TBC1D9: variants seen among roughly 807,000 people sequenced by gnomAD.
TBC1D9 encodes the protein TBC1 domain family member 9.
In TBC1D9, 63 loss-of-function variants were observed where a neutral mutation model predicts 132.0. The ratio of observed to expected loss-of-function variants is 0.48; its 90% confidence interval spans 0.39 to 0.59. The LOEUF (loss-of-function observed/expected upper bound fraction) is 0.59. Ranked by LOEUF, TBC1D9 falls within the 20% of genes least tolerant of loss-of-function variation. TBC1D9 has a pLI of 0.00. For synonymous variants in TBC1D9, 610 were observed against 609.9 expected, an observed-to-expected ratio of 1.00 and a Z score of 0.00; for missense variants, 1,261 against 1,592.7, an observed-to-expected ratio of 0.79 and a Z score of 3.54.
In TBC1D9 at chr4:140,621,898, A is replaced by C. The variant is rs182821017; in HGVS notation, c.*297T>G. The C allele has an allele frequency of 3.1e-4, 82 of 261,802 alleles. No individual in the cohort carries two copies. The highest frequency in any genetic ancestry group is 1.6e-3 in the African/African-American group (74 of 45,416). 16.2% of individuals were successfully genotyped at this position (261,802 alleles called of 1,614,324 possible). A position where few individuals can be genotyped will look rare whatever the true frequency, so the allele number is the denominator to read the frequency against. On this transcript the variant is annotated 3_prime_UTR_variant, in exon 21 of 21. Transcript: ENST00000442267. ...TGTATACAGCTCAACAGCAAGATTA[A>C]TAAGTTATAATACACACATATCACT... is the stretch of plus-strand genomic sequence containing the variant.
chr4:140,694,696 T>C (rs988795992), intron 2 of TBC1D9, among the ~76,000 whole-genome samples: 15 of 149,564 alleles, frequency 1.0e-4, no homozygotes. Context: ...GTTATATATT[T>C]ATATATACTG....
intron 13 of TBC1D9, chr4:140,645,020 C>T (rs570238772): frequency 4.0e-4 from 188 of 472,452 alleles, no homozygotes; most frequent in Non-Finnish European, 6.7e-4. Flanking sequence ...ACCAGGGGTG[C>T]GTGGCCAGAT....
intron 1 of TBC1D9, among the ~76,000 whole-genome samples, chr4:140,724,172 A>C (rs1738464244): frequency 6.6e-6 from 1 of 152,216 alleles, no homozygotes; most frequent in African/African-American, 2.4e-5. Flanking sequence ...AGGCCTGATT[A>C]ATGCAAGGCC....
chr4:140,638,304 T>G (rs2110975316), intron 15 of TBC1D9, among the ~76,000 whole-genome samples: 1 of 152,298 alleles, frequency 6.6e-6, no homozygotes, highest in South Asian at 2.1e-4. Context: ...TGATGATACC[T>G]ATGACAAAAA....
chr4:140,727,905 A>G (rs1738525320), intron 1 of TBC1D9, among the ~76,000 whole-genome samples: 1 of 152,116 alleles, frequency 6.6e-6, no homozygotes, highest in South Asian at 2.1e-4. Context: ...TGCTATCTCT[A>G]GTTTCTCTAA....
chr4:140,643,931 G>T, intron 13 of TBC1D9: 2 of 666,620 alleles, frequency 3.0e-6, no homozygotes, highest in South Asian at 1.5e-5. Context: ...CGGGGCGCTC[G>T]TCCACATCCT....
In TBC1D9 at chr4:140,622,785, C is replaced by T. The variant is rs777508117; in HGVS notation, c.3211G>A (p.Val1071Met). 1.3e-5 allele frequency: 21 copies of T among 1,602,972 alleles called. No individual in the cohort carries two copies. Among genetic ancestry groups the T allele is most frequent in the South Asian group, 5.5e-5 (5 of 90,674 alleles). Residue 1071 changes from valine (V) to methionine (M), a missense_variant, in exon 21 of 21, where the codon GTG becomes ATG. Val to Met is a conservative substitution (Grantham distance 21). This residue lies in a region of TBC1D9 where 618 missense variants were observed against 724.4 expected (regional missense o/e 0.85). Coordinates refer to ENST00000442267, the MANE Select transcript of TBC1D9 (RefSeq NM_015130.3). ...LEIGEVGKLF[V>M]AQPAKEGGSG... is the part of the protein sequence containing the mutation. The stretch of plus-strand genomic sequence containing the variant: ...CCGCCCTCCTTTGCAGGCTGGGCCA[C>T]GAACAACTTGCCGACCTCCCCAATC...
chr4:140,683,936 T>C (rs1737743145), intron 3 of TBC1D9, among the ~76,000 whole-genome samples: 1 of 152,234 alleles, frequency 6.6e-6, no homozygotes, highest in Admixed American at 6.5e-5. Context: ...TATTTGTACC[T>C]GCCATCCACT....
intron 1 of TBC1D9, among the ~76,000 whole-genome samples, chr4:140,734,734 G>T (rs1738648273): frequency 6.6e-6 from 1 of 152,158 alleles, no homozygotes; most frequent in Admixed American, 6.5e-5. Flanking sequence ...ATTTGAGGCT[G>T]CAATGAGCTA....
chr4:140,687,421 C>T (rs1312501813), intron 2 of TBC1D9, among the ~76,000 whole-genome samples: 1 of 126,392 alleles, frequency 7.9e-6, no homozygotes, highest in African/African-American at 2.8e-5. Flanking sequence ...ACTGCTCATT[C>T]CAGAACTAAA....
intron 1 of TBC1D9, among the ~76,000 whole-genome samples, chr4:140,713,485 C>T (rs916950371): frequency 6.6e-6 from 1 of 151,610 alleles, no homozygotes; most frequent in Admixed American, 6.6e-5. Context: ...GACTGTAATC[C>T]CAGGACTTTG....
intron 10 of TBC1D9, among the ~76,000 whole-genome samples, chr4:140,660,385 C>T (rs1737338251): frequency 6.6e-6 from 1 of 152,186 alleles, no homozygotes; most frequent in Non-Finnish European, 1.5e-5. Flanking sequence ...ATATTAGAGG[C>T]CAACTACCTC....
intron 6 of TBC1D9, among the ~76,000 whole-genome samples, chr4:140,672,215 T>G (rs1737548505): frequency 6.7e-6 from 1 of 149,584 alleles, no homozygotes; most frequent in Admixed American, 6.7e-5. Context: ...TGTTAATATA[T>G]GACATATAAT....
chr4:140,621,879 C>T lies in TBC1D9; in HGVS notation c.*316G>A. On this transcript the variant is annotated 3_prime_UTR_variant, in exon 21 of 21. Coordinates refer to ENST00000442267, the MANE Select transcript of TBC1D9 (RefSeq NM_015130.3). The stretch of plus-strand genomic sequence containing the variant: ...AGTACTATTTTTTAAACCATGTATA[C>T]AGCTCAACAGCAAGATTAATAAGTT... 2 of 221,116 alleles carry T rather than the reference C, an allele frequency of 9.0e-6. No homozygotes were observed. Among genetic ancestry groups the T allele is most frequent in the Non-Finnish European group, 8.8e-6 (1 of 113,092 alleles). The allele number at this position is 221,116 out of a possible 1,614,324, so 13.7% of individuals were successfully genotyped here.
At position 140,734,619 on chromosome 4, in the gene TBC1D9, C is replaced by T. The variant is rs557598922; in HGVS notation, c.130+21297G>A. On this transcript the variant is annotated intron_variant, in intron 1 of 20. Transcript: ENST00000442267. ...CCAGTCTGGGCAACATAGTGAGACC[C>T]CCATCTCTACAAAAAAATTTTTTTT... is the stretch of plus-strand genomic sequence containing the variant. Among the ~76,000 whole-genome samples, 4 of 152,118 alleles carry T rather than the reference C, an allele frequency of 2.6e-5. No individual in the cohort carries two copies. In the South Asian group the frequency reaches 8.3e-4, roughly 32 times the overall value.
chr4:140,714,696 G>C (rs912092777), intron 1 of TBC1D9, among the ~76,000 whole-genome samples: 1 of 152,210 alleles, frequency 6.6e-6, no homozygotes, highest in African/African-American at 2.4e-5. Flanking sequence ...TCCTCCATAA[G>C]AGATAGCTTT....
intron 1 of TBC1D9, among the ~76,000 whole-genome samples, chr4:140,724,929 G>C (rs1015312273): frequency 3.9e-5 from 6 of 152,152 alleles, no homozygotes; most frequent in Admixed American, 1.3e-4. Flanking sequence ...GCAAGACTGG[G>C]AAAACAGACA....
At chr4:140,754,748 C>A (rs756638927) in intron 1 of TBC1D9, among the ~76,000 whole-genome samples, 3 of 150,098 alleles carry the variant, frequency 2.0e-5, no homozygotes, top group Admixed American at 2.0e-4. Context: ...TATCAGATCA[C>A]TAGTAAGTAT....
rs116217330 is a variant in TBC1D9 at position 140,666,110 on chromosome 4, T to C, written c.1588+2807A>G. ...AGTATAGTATGTCCATACAATGATATAATATTTGGCCATAAAAAGGAATGA... is the reference window on the plus strand; with the variant it reads ...AGTATAGTATGTCCATACAATGATACAATATTTGGCCATAAAAAGGAATGA... On this transcript the variant is annotated intron_variant, in intron 9 of 20. Transcript: ENST00000442267. 7.3e-3 allele frequency among the ~76,000 whole-genome samples: 1,113 copies of C among 152,306 alleles called. 7 individuals are homozygous for C. The highest frequency in any genetic ancestry group is 0.025 in the African/African-American group (1,022 of 41,560).
Sources: allele counts gnomAD v4.1 joint callset (sites outside exome capture counted in the v4.1 genomes callset), GRCh38; gene constraint gnomAD v4.1.1; regional missense constraint gnomAD v4.1.1; transcripts MANE v1.5; gene names NCBI Gene and HGNC (gene_info 2026-07-23, HGNC 2026-07-21).